KNDC1: variants seen among roughly 807,000 people sequenced by gnomAD.
KNDC1 encodes kinase non-catalytic C-lobe domain-containing protein 1.
In KNDC1, 106 loss-of-function variants were observed where a neutral mutation model predicts 172.8. The observed-to-expected ratio is 0.61, with a 90% confidence interval of 0.52 to 0.72. The LOEUF (loss-of-function observed/expected upper bound fraction) is 0.72, where lower values mean the gene tolerates loss of function less well. Ranked by LOEUF, KNDC1 falls within the 30% of genes least tolerant of loss-of-function variation. The probability of loss-of-function intolerance (pLI) is 0.00; values close to 1 mark genes in which losing one functional copy is unlikely to be tolerated. For missense variants in KNDC1, 2,325 were observed against 2,394.5 expected (o/e 0.97, Z 0.61); for synonymous variants, 1,083 against 1,062.2 (o/e 1.02, Z -0.38).
rs905288417 is a variant in KNDC1 at position 133,167,595 on chromosome 10, C to T, written c.301+16C>T. 16 of 1,563,438 alleles carry T rather than the reference C, an allele frequency of 1.0e-5. No individual in the cohort carries two copies. Among genetic ancestry groups the T allele is most frequent in the South Asian group, 5.9e-5 (5 of 85,442 alleles). On this transcript the variant is annotated intron_variant, in intron 2 of 29. Coordinates refer to ENST00000304613, the MANE Select transcript of KNDC1 (RefSeq NM_152643.8). The stretch of plus-strand genomic sequence containing the variant: ...CAGCTCAGCGGTGAGGCGGCGGTGG[C>T]GGTGGCGGCGGCGGCGGGCACGCGG...
chr10:133,167,613 G>T (rs1204343877), intron 2 of KNDC1, 34 bp downstream of exon 2: 1 of 1,545,124 alleles, frequency 6.5e-7, no homozygotes, highest in Non-Finnish European at 8.7e-7. Flanking sequence ...GCGGCGGCGG[G>T]CACGCGGGGT....
Position 133,224,918 on chromosome 10 carries a change from A to T in KNDC1, c.*28A>T. 6.4e-7 allele frequency: 1 copy of T among 1,570,872 alleles called. No homozygotes were observed. The highest frequency in any genetic ancestry group is 1.4e-5 in the African/African-American group (1 of 74,022). On this transcript the variant is annotated 3_prime_UTR_variant, in exon 30 of 30. Coordinates refer to ENST00000304613, the MANE Select transcript of KNDC1 (RefSeq NM_152643.8). This position sits in a 1 kb window ranked among gnomAD's most constrained non-coding sequence, Gnocchi z 5.4. The stretch of plus-strand genomic sequence containing the variant: ...GAGCTCGGGCCTGGTGTGGAATTCC[A>T]GATCCGAATCCGACTGTGGGGGGCG...
rs747617598 is a variant in KNDC1 at position 133,188,529 on chromosome 10, C to T, written c.1327-10C>T. The T allele has an allele frequency of 3.9e-6, 6 of 1,539,760 alleles. 1 individual carries two copies. In the South Asian group the frequency reaches 6.0e-5, roughly 15 times the overall value. On this transcript the variant is annotated splice_polypyrimidine_tract_variant and intron_variant, in intron 6 of 29. Transcript: ENST00000304613. ...TGTCCACACTGACCTCGCCGCTCTC[C>T]TGCCCACAGTGGGTGTCCCTGCAGG...
At chr10:133,200,259 GC>G in intron 15 of KNDC1, 115 bp from the exon 16 acceptor site, 1 of 704,328 alleles carries the variant, frequency 1.4e-6, no homozygotes, top group Non-Finnish European at 2.2e-6. Context: ...GTGAGCTCCT[GC>G]CGCCTCCAGC....
chr10:133,184,444 C>T (rs1057407634), intron 5 of KNDC1, among the ~76,000 whole-genome samples: 6 of 152,234 alleles, frequency 3.9e-5, no homozygotes, highest in African/African-American at 1.2e-4. Context: ...CACAAACTCA[C>T]GTATTCACAC....
chr10:133,175,373 T>G (rs1853503311), intron 3 of KNDC1, among the ~76,000 whole-genome samples: 4 of 120,930 alleles, frequency 3.3e-5, no homozygotes, highest in Admixed American at 8.3e-5. Context: ...TGGGTGGTTG[T>G]ATGTGTGGAG....
chr10:133,213,573 C>T (rs772332715), intron 24 of KNDC1, 72 bp from the exon 25 acceptor site: 2 of 1,387,196 alleles, frequency 1.4e-6, no homozygotes, highest in African/African-American at 1.4e-5. Context: ...CCCACCCTCC[C>T]TGGGACCCTG....
rs1032629206 is a variant in KNDC1, at chr10:133,193,036, AAAAAAT to A, written c.1576-2609_1576-2604del. Among the ~76,000 whole-genome samples the A allele has an allele frequency of 1.2e-4, 18 of 152,082 alleles. No individual in the cohort carries two copies. The South Asian group carries it at 1.2e-3, about 11-fold the overall frequency. On this transcript the variant is annotated intron_variant, in intron 9 of 29. Transcript: ENST00000304613. ...CTGAATACTAACCCTCCCCTCTCCG[AAAAAAT>A]AAAAATAAAAATAAAAAACAAAAAG...
In KNDC1 at chr10:133,211,716, G is replaced by A. The variant is rs755070451; in HGVS notation, c.4094G>A (p.Gly1365Asp). The A allele has an allele frequency of 8.7e-6, 14 of 1,606,254 alleles. No individual in the cohort carries two copies. In the South Asian group the frequency reaches 1.1e-4, roughly 13 times the overall value. The change falls in exon 23 of 30, where the codon GGC (glycine) becomes GAC (aspartate). Residue 1365 changes from glycine to aspartate, a missense_variant. Physicochemically the swap from Gly to Asp is moderately conservative, Grantham distance 94. Transcript: ENST00000304613. The stretch of plus-strand genomic sequence containing the variant: ...GACGGCTCTGCCAAGCACCTGCTGG[G>A]CCTCCTGGAGGTGGGCATGGACCGG... Reference protein sequence around the residue: ...PLDGSAKHLLGLLEVGMDRRA... With the variant: ...PLDGSAKHLLDLLEVGMDRRA...
At position 133,184,007 on chromosome 10, in the gene KNDC1, C is replaced by T; in HGVS notation, c.625+18C>T. 3 of 1,443,216 alleles carry T rather than the reference C, an allele frequency of 2.1e-6. No individual in the cohort carries two copies. The highest frequency in any genetic ancestry group is 2.8e-6 in the Non-Finnish European group (3 of 1,052,880). 89.4% of individuals were successfully genotyped at this position (1,443,216 alleles called of 1,614,324 possible). A position where few individuals can be genotyped will look rare whatever the true frequency, so the allele number is the denominator to read the frequency against. On this transcript the variant is annotated intron_variant, in intron 5 of 29. Transcript: ENST00000304613. ...GCTGCAGGGTGAGTTCTTGAACCCA[C>T]ACACGTGCATCCTCATGCACATATA...
At chr10:133,212,323 TCA>T (rs1845386086) in intron 23 of KNDC1, among the ~76,000 whole-genome samples, 1 of 151,958 alleles carries the variant, frequency 6.6e-6, no homozygotes, top group Non-Finnish European at 1.5e-5. Flanking sequence ...ACGTGCACAC[TCA>T]CATACCCCCT....
At chr10:133,193,504 G>A (rs187763731) in intron 9 of KNDC1, among the ~76,000 whole-genome samples, 6 of 152,212 alleles carry the variant, frequency 3.9e-5, no homozygotes, top group South Asian at 4.2e-4. Context: ...CAGCCAGGGC[G>A]ACAAGAGCGA....
intron 21 of KNDC1, 91 bp from the exon 22 acceptor site, chr10:133,211,331 C>A: frequency 8.0e-7 from 1 of 1,256,766 alleles, no homozygotes. Flanking sequence ...TGGTCCCACC[C>A]TGCCTCTCTG....
chr10:133,187,152 C>T (rs563254252), intron 6 of KNDC1, among the ~76,000 whole-genome samples: 3 of 152,342 alleles, frequency 2.0e-5, no homozygotes, highest in East Asian at 3.9e-4. Context: ...TTGGTGGTGT[C>T]GGTGCTGGGC....
At chr10:133,187,424 C>T (rs900572525) in intron 6 of KNDC1, among the ~76,000 whole-genome samples, 7 of 152,284 alleles carry the variant, frequency 4.6e-5, no homozygotes, top group Admixed American at 1.3e-4. Flanking sequence ...GCTGTGTCCC[C>T]GTGAGCTCCT....
chr10:133,167,020 TGGCAGCCTCCACA>T (rs1394789487), intron 1 of KNDC1, among the ~76,000 whole-genome samples: 1 of 152,204 alleles, frequency 6.6e-6, no homozygotes, highest in Non-Finnish European at 1.5e-5. Context: ...GCTCATCTGT[TGGCAGCCTCCACA>T]GGCCAGTCCA....
rs776390728 is a variant in KNDC1 at position 133,207,336 on chromosome 10, C to T, written c.3779C>T (p.Ala1260Val). 9 of 1,612,576 alleles carry T rather than the reference C, an allele frequency of 5.6e-6. No individual in the cohort carries two copies. The highest frequency in any genetic ancestry group is 7.6e-6 in the Non-Finnish European group (9 of 1,179,770). Residue 1260 changes from alanine (A) to valine (V), a missense_variant, in exon 20 of 30, where the codon GCC becomes GTC. By Grantham distance (64) the Ala-to-Val change is moderately conservative (BLOSUM62 0). Coordinates refer to ENST00000304613, the MANE Select transcript of KNDC1 (RefSeq NM_152643.8). The part of the protein sequence containing the change: ...LQAGTPLGLM[A>V]YLYSSDAFLE... ...GCCGGCACGCCGCTGGGGCTCATGG[C>T]CTACCTGTACTCCAGGTGCGTTGGG...
intron 9 of KNDC1, among the ~76,000 whole-genome samples, chr10:133,195,432 G>A (rs368293541): frequency 6.6e-6 from 1 of 152,192 alleles, no homozygotes; most frequent in East Asian, 1.9e-4. Flanking sequence ...TGTTTAAAAC[G>A]CGGACAGAAC....
Position 133,183,495 on chromosome 10 carries a change from G to T in KNDC1, c.507+5G>T. 1 of 1,597,476 alleles carries T rather than the reference G, an allele frequency of 6.3e-7. No individual in the cohort carries two copies. On this transcript the variant is annotated splice_donor_5th_base_variant and intron_variant, in intron 4 of 29. Coordinates refer to ENST00000304613, the MANE Select transcript of KNDC1 (RefSeq NM_152643.8). Reference sequence around the variant, plus strand: ...GGGGACCGGCCGGACCTTGAGGTAAGCGAGGCTGCCCTGGGCCACCCCAGG... The same window carrying T: ...GGGGACCGGCCGGACCTTGAGGTAATCGAGGCTGCCCTGGGCCACCCCAGG...
Sources: gnomAD v4.1 joint callset for allele counts (sites outside exome capture counted in the v4.1 genomes callset) on GRCh38, gnomAD v4.1.1 for gene constraint, Gnocchi (gnomAD v3.1) non-coding constraint, MANE v1.5 for transcripts, NCBI Gene and HGNC (gene_info 2026-07-23, HGNC 2026-07-21) for gene names.